Variants in SPATA6 observed in about 807,000 individuals in gnomAD.
SPATA6 encodes the protein spermatogenesis-associated protein 6.
A neutral mutation model predicts 65.3 loss-of-function variants in SPATA6; 56 were observed. The ratio of observed to expected loss-of-function variants is 0.86; its 90% CI spans 0.69 to 1.07. SPATA6 has a LOEUF of 1.07. Ranked by LOEUF, SPATA6 falls within the 50% of genes least tolerant of loss-of-function variation. The pLI is 0.00. For synonymous variants in SPATA6, 199 were observed against 213.2 expected (o/e 0.93, Z 0.58); for missense variants, 590 against 594.8 (o/e 0.99, Z 0.08).
chr1:48,283,721 G>GAAAGAAAGAAAGAAAGAAAC, the SPATA6 span, among the ~76,000 whole-genome samples: 1 of 142,058 alleles, frequency 7.0e-6, no homozygotes, highest in Non-Finnish European at 1.5e-5. Flanking sequence ...AAGAAAGAAA[G>GAAAGAAAGAAAGAAAGAAAC]AAAATTCTTT....
chr1:48,444,832 A>C (rs1347332687), intron 3 of SPATA6, among the ~76,000 whole-genome samples: 1 of 152,116 alleles, frequency 6.6e-6, no homozygotes, highest in Admixed American at 6.5e-5. Flanking sequence ...CCAAGAACCC[A>C]CCAGAAGAAA....
At chr1:48,343,276 T>C (rs1462257976) in intron 11 of SPATA6, among the ~76,000 whole-genome samples, 2 of 152,050 alleles carry the variant, frequency 1.3e-5, no homozygotes, top group Non-Finnish European at 2.9e-5. Flanking sequence ...TGGGAACCAA[T>C]AGTAACTGAA....
intron 11 of SPATA6, among the ~76,000 whole-genome samples, chr1:48,312,293 C>G (rs1046125465): frequency 3.3e-5 from 5 of 152,300 alleles, no homozygotes; most frequent in Non-Finnish European, 7.4e-5. Flanking sequence ...GACACCCGAG[C>G]AGCCTAACTG....
At chr1:48,278,096 C>A in the SPATA6 span, among the ~76,000 whole-genome samples, 75 of 152,308 alleles carry the variant, frequency 4.9e-4, no homozygotes, top group African/African-American at 1.8e-3. Flanking sequence ...CTCTAGCAAA[C>A]TCCAACAGAC....
At chr1:48,406,693 T>C (rs984590366) in intron 5 of SPATA6, among the ~76,000 whole-genome samples, 1 of 152,192 alleles carries the variant, frequency 6.6e-6, no homozygotes, top group African/African-American at 2.4e-5. Flanking sequence ...ATCATCACCA[T>C]CATGATATTC....
chr1:48,266,155 T>A, the SPATA6 span, among the ~76,000 whole-genome samples: 1 of 152,164 alleles, frequency 6.6e-6, no homozygotes. Context: ...AAAGCAAATG[T>A]TTGGAGCTAT....
At chr1:48,385,445 A>G in intron 8 of SPATA6, 96 bp from the exon 9 acceptor site, 1 of 1,096,160 alleles carries the variant, frequency 9.1e-7, no homozygotes, top group Non-Finnish European at 1.3e-6. Flanking sequence ...TTCACTCAGA[A>G]TATTTCAGAG....
chr1:48,415,141 T>G (rs1652634146), intron 3 of SPATA6, among the ~76,000 whole-genome samples: 1 of 151,756 alleles, frequency 6.6e-6, no homozygotes. Context: ...GGAAGACAAA[T>G]GGTTTTAAAG....
chr1:48,467,051 G>A (rs1180926518), intron 1 of SPATA6, among the ~76,000 whole-genome samples: 1 of 152,132 alleles, frequency 6.6e-6, no homozygotes, highest in East Asian at 1.9e-4. Flanking sequence ...GATTTAAAAT[G>A]TAAGTGATGG....
intron 10 of SPATA6, among the ~76,000 whole-genome samples, chr1:48,358,034 T>C (rs1448377947): frequency 6.6e-6 from 1 of 152,144 alleles, no homozygotes; most frequent in Non-Finnish European, 1.5e-5. Flanking sequence ...AGCAAATAAC[T>C]TACTACATCT....
chr1:48,458,331 A>G (rs1432319983), intron 1 of SPATA6, among the ~76,000 whole-genome samples: 1 of 152,194 alleles, frequency 6.6e-6, no homozygotes, highest in Non-Finnish European at 1.5e-5. Flanking sequence ...TGATCCAACT[A>G]TTTTTTGGCC....
At chr1:48,382,629 ACCCCCCCCCCCCCG>A (rs1179472739) in intron 9 of SPATA6, among the ~76,000 whole-genome samples, 40 of 5,102 alleles carry the variant, frequency 7.8e-3, no homozygotes, top group African/African-American at 0.024. Flanking sequence ...CGGCTGGCCG[ACCCCCCCCCCCCCG>A]CCTCCCTCCC....
chr1:48,342,435 G>A (rs1209150402), intron 11 of SPATA6, among the ~76,000 whole-genome samples: 1 of 151,920 alleles, frequency 6.6e-6, no homozygotes, highest in Admixed American at 6.6e-5. Context: ...CTAACATGGT[G>A]AAACCCCTTA....
intron 3 of SPATA6, among the ~76,000 whole-genome samples, chr1:48,429,613 T>C (rs866877167): frequency 6.6e-6 from 1 of 151,930 alleles, no homozygotes; most frequent in Admixed American, 6.6e-5. Context: ...AAACAAGAAA[T>C]ATGCTGCAGT....
Position 48,298,703 on chromosome 1 carries a change from A to G in SPATA6, c.*10T>C, listed in dbSNP as rs772806686. 1.9e-6 allele frequency: 3 copies of G among 1,607,710 alleles called. No individual in the cohort carries two copies. The highest frequency in any genetic ancestry group is 2.2e-5 in the South Asian group (2 of 89,874). On this transcript the variant is annotated 3_prime_UTR_variant, in exon 13 of 13. Coordinates refer to ENST00000371847, the MANE Select transcript of SPATA6 (RefSeq NM_019073.4). ...GACACGGACACTAATGAGGTTTATC[A>G]TGGATGGTCTCAGAAGCTTTCCTGT...
chr1:48,422,797 A>C (rs1653468806), intron 3 of SPATA6, among the ~76,000 whole-genome samples: 1 of 152,220 alleles, frequency 6.6e-6, no homozygotes, highest in Admixed American at 6.5e-5. Flanking sequence ...GTATTCAGCA[A>C]TGTCAACTAA....
At chr1:48,387,437 T>A (rs1490696884) in intron 8 of SPATA6, among the ~76,000 whole-genome samples, 1 of 152,180 alleles carries the variant, frequency 6.6e-6, no homozygotes, top group African/African-American at 2.4e-5. Flanking sequence ...GCCACTGGGC[T>A]GAGGTACGAG....
At chr1:48,346,254 A>G (rs754058169) in intron 11 of SPATA6, among the ~76,000 whole-genome samples, 4 of 152,190 alleles carry the variant, frequency 2.6e-5, no homozygotes, top group Non-Finnish European at 5.9e-5. Context: ...AGATACAGAA[A>G]AGGCTTTTGA....
intron 3 of SPATA6, among the ~76,000 whole-genome samples, chr1:48,418,066 TTCTTAATTCTC>T (rs1356602084): frequency 5.9e-4 from 90 of 152,298 alleles, no homozygotes; most frequent in African/African-American, 2.0e-3. Context: ...TTTTATGCAT[TTCTTAATTCTC>T]TATATTGTCT....
Sources: allele counts gnomAD v4.1 joint callset (sites outside exome capture counted in the v4.1 genomes callset), GRCh38; gene constraint gnomAD v4.1.1; transcripts MANE v1.5; gene names NCBI Gene and HGNC (gene_info 2026-07-23, HGNC 2026-07-21).